MAP2K5: variants seen among roughly 807,000 people sequenced by gnomAD.
MAP2K5 encodes mitogen-activated protein kinase kinase 5.
A neutral mutation model predicts 83.1 loss-of-function variants in MAP2K5; 49 were observed. That is an observed-to-expected ratio of 0.59 (90% confidence interval 0.47 to 0.75). The LOEUF (loss-of-function observed/expected upper bound fraction) is 0.75. Among genes scored for constraint, MAP2K5 ranks in the 30% least tolerant of loss-of-function variants. The pLI is 0.00. For synonymous variants in MAP2K5, 202 were observed against 191.8 expected (o/e 1.05, Z -0.44); for missense variants, 457 against 557.5 (o/e 0.82, Z 1.82).
Position 67,768,106 on chromosome 15 carries a change from C to G in MAP2K5, c.1135-1496C>G, listed in dbSNP as rs552835087. 3.3e-5 allele frequency among the ~76,000 whole-genome samples: 5 copies of G among 152,136 alleles called. No homozygotes were observed. In the South Asian group the frequency reaches 1.0e-3, roughly 32 times the overall value. Reference sequence around the variant, plus strand: ...TGTTTGTTTTTTGGCTGCCTTGACCCCCTTAGTTCCTTTTGATTTAATTGT... The same window carrying G: ...TGTTTGTTTTTTGGCTGCCTTGACCGCCTTAGTTCCTTTTGATTTAATTGT... On this transcript the variant is annotated intron_variant, in intron 19 of 21. Coordinates refer to ENST00000178640, the MANE Select transcript of MAP2K5 (RefSeq NM_145160.3). This position sits in a 1 kb window ranked among gnomAD's most constrained non-coding sequence, Gnocchi z 4.0.
chr15:67,600,766 G>A lies in MAP2K5; in HGVS notation c.545+17G>A. 1 of 1,581,722 alleles carries A rather than the reference G, an allele frequency of 6.3e-7. No homozygotes were observed. The highest frequency in any genetic ancestry group is 1.7e-4 in the Middle Eastern group (1 of 5,960). ...AGTCTACAAGTGAGTAGTCAATTTT[G>A]TTTAAACTTTCTATCCGCTTTTCCA... On this transcript the variant is annotated intron_variant, in intron 8 of 21. Coordinates refer to ENST00000178640, the MANE Select transcript of MAP2K5 (RefSeq NM_145160.3).
intron 21 of MAP2K5, among the ~76,000 whole-genome samples, chr15:67,795,326 T>C (rs1302815176): frequency 6.6e-6 from 1 of 152,254 alleles, no homozygotes; most frequent in African/African-American, 2.4e-5. Flanking sequence ...AACACTTAGC[T>C]CATAAATTTT....
chr15:67,649,264 A>C (rs958997700), intron 11 of MAP2K5, among the ~76,000 whole-genome samples: 1 of 152,144 alleles, frequency 6.6e-6, no homozygotes, highest in African/African-American at 2.4e-5. Context: ...AGTTGTGAGA[A>C]TTCTTTATGT....
At chr15:67,696,257 G>A (rs2088255792) in intron 15 of MAP2K5, among the ~76,000 whole-genome samples, 1 of 151,730 alleles carries the variant, frequency 6.6e-6, no homozygotes, top group African/African-American at 2.4e-5. Context: ...CAATTTACTG[G>A]AACAATGTAC....
At chr15:67,791,948 A>G (rs1301112714) in intron 21 of MAP2K5, among the ~76,000 whole-genome samples, 5 of 152,224 alleles carry the variant, frequency 3.3e-5, no homozygotes, top group Non-Finnish European at 7.3e-5. Flanking sequence ...AAGACTTAAA[A>G]TAGCACAAAG....
chr15:67,634,638 C>G (rs2086558424), intron 9 of MAP2K5, among the ~76,000 whole-genome samples: 1 of 151,884 alleles, frequency 6.6e-6, no homozygotes, highest in Non-Finnish European at 1.5e-5. Flanking sequence ...TTGTTATGTC[C>G]TCTTGATAAA....
At position 67,679,852 on chromosome 15, in the gene MAP2K5, A is replaced by T. The variant is rs551912506; in HGVS notation, c.848-12627A>T. The T allele has an allele frequency of 2.0e-5, 3 of 152,328 alleles. No homozygotes were observed. The East Asian group carries it at 5.8e-4, about 29-fold the overall frequency. 9.4% of individuals were successfully genotyped at this position (152,328 alleles called of 1,614,324 possible). A position where few individuals can be genotyped will look rare whatever the true frequency, so the allele number is the denominator to read the frequency against. On this transcript the variant is annotated intron_variant, in intron 13 of 21. Coordinates refer to ENST00000178640, the MANE Select transcript of MAP2K5 (RefSeq NM_145160.3). ...ATTGATATATAATTTGCATGCCATA[A>T]AATTCATCTACTCAATTCAGTGATT...
intron 15 of MAP2K5, among the ~76,000 whole-genome samples, chr15:67,697,190 C>A (rs954442706): frequency 1.3e-5 from 2 of 152,112 alleles, no homozygotes; most frequent in East Asian, 1.9e-4. Flanking sequence ...TTGATACCCT[C>A]ATTTTATGTA....
rs1596854179 is a variant in MAP2K5 at position 67,720,951 on chromosome 15, C to T, written c.1045-6965C>T. ...GACCTCAATGTATCACGCTTTTCAGCATTCATGGTTAGGCTATAGCAGGCA... is the reference window on the plus strand; with the variant it reads ...GACCTCAATGTATCACGCTTTTCAGTATTCATGGTTAGGCTATAGCAGGCA... On this transcript the variant is annotated intron_variant, in intron 16 of 21. Transcript: ENST00000178640. This position sits in a 1 kb window ranked among gnomAD's most constrained non-coding sequence, Gnocchi z 5.7. Among the ~76,000 whole-genome samples, 2 of 152,282 alleles carry T rather than the reference C, an allele frequency of 1.3e-5. No homozygotes were observed. The highest frequency in any genetic ancestry group is 3.9e-4 in the East Asian group (2 of 5,188).
chr15:67,594,682 C>G (rs1231275923), intron 7 of MAP2K5, among the ~76,000 whole-genome samples: 2 of 152,072 alleles, frequency 1.3e-5, no homozygotes, highest in African/African-American at 4.8e-5. Context: ...GTTGTCCTGG[C>G]AAGGATTTTT....
In MAP2K5 at chr15:67,640,522, T is replaced by G. The variant is rs1226713580; in HGVS notation, c.586-5709T>G. 1.1e-6 allele frequency: 1 copy of G among 949,074 alleles called. No homozygotes were observed. The highest frequency in any genetic ancestry group is 1.3e-6 in the Non-Finnish European group (1 of 796,876). 58.8% of individuals were successfully genotyped at this position (949,074 alleles called of 1,614,324 possible). ...GGGGCTGCCTGATGTCACAGAGGAT[T>G]GTGAAGAGCAGCAAATCACAGTCCT... On this transcript the variant is annotated intron_variant, in intron 9 of 21. Coordinates refer to ENST00000178640, the MANE Select transcript of MAP2K5 (RefSeq NM_145160.3). The surrounding 1 kb of genome is among the most constrained non-coding windows in gnomAD (Gnocchi z 4.6).
At chr15:67,645,877 G>C (rs1267469043) in intron 9 of MAP2K5, among the ~76,000 whole-genome samples, 2 of 152,098 alleles carry the variant, frequency 1.3e-5, no homozygotes, top group East Asian at 3.9e-4. Context: ...TTTTATATTG[G>C]TTTGAGGGTC....
intron 19 of MAP2K5, among the ~76,000 whole-genome samples, chr15:67,765,781 C>T (rs913031876): frequency 6.6e-6 from 1 of 152,128 alleles, no homozygotes; most frequent in Non-Finnish European, 1.5e-5. Flanking sequence ...ACATTTTCTG[C>T]TACTTGCCTT....
chr15:67,593,539 G>A (rs756829687), intron 7 of MAP2K5, among the ~76,000 whole-genome samples: 1 of 152,182 alleles, frequency 6.6e-6, no homozygotes, highest in Non-Finnish European at 1.5e-5. Flanking sequence ...TTTGATTCAA[G>A]TAAATGGACA....
intron 8 of MAP2K5, among the ~76,000 whole-genome samples, chr15:67,605,688 C>A (rs190896549): frequency 2.0e-4 from 30 of 152,236 alleles, no homozygotes; most frequent in African/African-American, 7.2e-4. Context: ...TGGTGTTCTT[C>A]CCCCAGGCAG....
In MAP2K5 at chr15:67,801,157, C is replaced by T. The variant is rs571116358; in HGVS notation, c.1243-5489C>T. Among the ~76,000 whole-genome samples the T allele has an allele frequency of 6.6e-6, 1 of 152,252 alleles. No individual in the cohort carries two copies. Among genetic ancestry groups the T allele is most frequent in the Admixed American group, 6.5e-5 (1 of 15,302 alleles). On this transcript the variant is annotated intron_variant, in intron 21 of 21. Transcript: ENST00000178640. This position sits in a 1 kb window ranked among gnomAD's most constrained non-coding sequence, Gnocchi z 4.8. ...AGAAGGGACAGAAGTGTTATCACAG[C>T]CAAGCGGGCTGGAATCCTAAAGGGA...
At position 67,794,816 on chromosome 15, in the gene MAP2K5, G is replaced by C. The variant is rs1041562483; in HGVS notation, c.1243-11830G>C. Among the ~76,000 whole-genome samples, 4 of 152,154 alleles carry C rather than the reference G, an allele frequency of 2.6e-5. No homozygotes were observed. In the East Asian group the frequency reaches 7.7e-4, roughly 29 times the overall value. ...TTGTGTAAATGGTTTGTTTCTCCCT[G>C]TTAAGGAACTAGAAAAACTGTTACT... is the stretch of plus-strand genomic sequence containing the variant. On this transcript the variant is annotated intron_variant, in intron 21 of 21. Coordinates refer to ENST00000178640, the MANE Select transcript of MAP2K5 (RefSeq NM_145160.3). This position sits in a 1 kb window ranked among gnomAD's most constrained non-coding sequence, Gnocchi z 4.6.
intron 3 of MAP2K5, among the ~76,000 whole-genome samples, chr15:67,571,575 T>G (rs559071018): frequency 6.6e-6 from 1 of 152,064 alleles, no homozygotes; most frequent in South Asian, 2.1e-4. Context: ...AATGAGAGAT[T>G]CAAGGCACCA....
intron 2 of MAP2K5, among the ~76,000 whole-genome samples, chr15:67,560,739 A>G (rs1372853065): frequency 6.6e-6 from 1 of 152,230 alleles, no homozygotes; most frequent in African/African-American, 2.4e-5. Flanking sequence ...CTTCTTTCAC[A>G]GATCTTTTTC....
Sources: allele counts gnomAD v4.1 joint callset (sites outside exome capture counted in the v4.1 genomes callset), GRCh38; gene constraint gnomAD v4.1.1; non-coding constraint Gnocchi (gnomAD v3.1); transcripts MANE v1.5; gene names NCBI Gene and HGNC (gene_info 2026-07-23, HGNC 2026-07-21).